Variants in ADRB1 observed in about 807,000 individuals in gnomAD.
ADRB1 encodes the protein beta-1 adrenergic receptor.
For missense variants in ADRB1, 635 were observed against 709.1 expected (o/e 0.90, Z 1.19); for synonymous variants, 365 against 347.2 (o/e 1.05, Z -0.57).
Position 114,045,540 on chromosome 10 carries a change from G to C in ADRB1, c.1408G>C (p.Gly470Arg). 10 of 1,308,864 alleles carry C rather than the reference G, an allele frequency of 7.6e-6. No homozygotes were observed. Among genetic ancestry groups the C allele is most frequent in the Non-Finnish European group, 9.8e-6 (10 of 1,025,428 alleles). 81.1% of individuals were successfully genotyped at this position (1,308,864 alleles called of 1,614,324 possible). A position where few individuals can be genotyped will look rare whatever the true frequency, so the allele number is the denominator to read the frequency against. The change falls in exon 1 of 1, where the codon GGC becomes CGC. Residue 470 changes from glycine to arginine, a missense_variant. Gly to Arg is a moderately radical substitution (Grantham distance 125). Transcript: ENST00000369295. ...GAGCCTGGACGAGCCGTGCCGCCCC[G>C]GCTTCGCCTCGGAATCCAAGGTGTA... ...DSSLDEPCRP[G>R]FASESKV
Position 114,044,194 on chromosome 10 carries a change from C to A in ADRB1, c.62C>A (p.Pro21Gln). ...SEPGNLSSAA[P>Q]LPDGAATAAR... ...CCCGGTAACCTGTCGTCGGCCGCAC[C>A]GCTCCCCGACGGCGCGGCCACCGCG... is the stretch of plus-strand genomic sequence containing the variant. The change falls in exon 1 of 1, where the codon CCG (proline) becomes CAG (glutamine). Residue 21 changes from proline (P) to glutamine (Q), a missense_variant. By Grantham distance (76) the Pro-to-Gln change is moderately conservative (BLOSUM62 -1). Coordinates refer to ENST00000369295, the MANE Select transcript of ADRB1 (RefSeq NM_000684.3). The surrounding 1 kb of genome is among the most constrained non-coding windows in gnomAD (Gnocchi z 7.8). The A allele has an allele frequency of 2.2e-6, 3 of 1,378,328 alleles. No homozygotes were observed. The highest frequency in any genetic ancestry group is 9.3e-7 in the Non-Finnish European group (1 of 1,078,776). The allele number at this position is 1,378,328 out of a possible 1,614,324, so 85.4% of individuals were successfully genotyped here. A position where few individuals can be genotyped will look rare whatever the true frequency, so the allele number is the denominator to read the frequency against.
At position 114,044,476 on chromosome 10, in the gene ADRB1, G is replaced by T; in HGVS notation, c.344G>T (p.Gly115Val). ...LVMGLLVVPFGATIVVWGRWE... is the reference protein window; with the variant it reads ...LVMGLLVVPFVATIVVWGRWE... ...ATGGGGCTGCTGGTGGTGCCGTTCG[G>T]GGCCACCATCGTGGTGTGGGGCCGC... Residue 115 changes from glycine to valine, a missense_variant, in exon 1 of 1, where the codon GGG (glycine) becomes GTG (valine). Transcript: ENST00000369295. The surrounding 1 kb of genome is among the most constrained non-coding windows in gnomAD (Gnocchi z 7.8). 1 of 1,613,508 alleles carries T rather than the reference G, an allele frequency of 6.2e-7. No homozygotes were observed. Among genetic ancestry groups the T allele is most frequent in the Non-Finnish European group, 8.5e-7 (1 of 1,179,970 alleles).
At position 114,044,058 on chromosome 10, in the gene ADRB1, C is replaced by T. The variant is rs1248766883; in HGVS notation, c.-75C>T. Reference sequence around the variant, plus strand: ...CGACCTCCCTCTGCGCACCACGCCGCCCGGGCTTCTGGGGTGTTCCCCAAC... The same window carrying T: ...CGACCTCCCTCTGCGCACCACGCCGTCCGGGCTTCTGGGGTGTTCCCCAAC... On this transcript the variant is annotated 5_prime_UTR_variant, in exon 1 of 1. Coordinates refer to ENST00000369295, the MANE Select transcript of ADRB1 (RefSeq NM_000684.3). The surrounding 1 kb of genome is among the most constrained non-coding windows in gnomAD (Gnocchi z 7.8). 2 of 1,165,450 alleles carry T rather than the reference C, an allele frequency of 1.7e-6. No homozygotes were observed. The highest frequency in any genetic ancestry group is 7.2e-5 in the East Asian group (2 of 27,596). The allele number at this position is 1,165,450 out of a possible 1,614,324, so 72.2% of individuals were successfully genotyped here.
At position 114,043,980 on chromosome 10, in the gene ADRB1, G is replaced by T. The variant is rs1165480643; in HGVS notation, c.-153G>T. 50 of 495,756 alleles carry T rather than the reference G, an allele frequency of 1.0e-4. No homozygotes were observed. Among genetic ancestry groups the T allele is most frequent in the Non-Finnish European group, 1.3e-4 (44 of 345,684 alleles). 30.7% of individuals were successfully genotyped at this position (495,756 alleles called of 1,614,324 possible). A position where few individuals can be genotyped will look rare whatever the true frequency, so the allele number is the denominator to read the frequency against. ...ACAGCGCTCGGCTCCTGCGGGAAAGGCGCCCGGCGCCCATGCCTCCGGCCC... is the reference window on the plus strand; with the variant it reads ...ACAGCGCTCGGCTCCTGCGGGAAAGTCGCCCGGCGCCCATGCCTCCGGCCC... On this transcript the variant is annotated 5_prime_UTR_variant, in exon 1 of 1. Transcript: ENST00000369295.
Position 114,045,416 on chromosome 10 carries a change from G to GGAC in ADRB1, c.1299_1301dup (p.Asp434dup), listed in dbSNP as rs754880345. On this transcript the variant is annotated inframe_insertion, in exon 1 of 1. Coordinates refer to ENST00000369295, the MANE Select transcript of ADRB1 (RefSeq NM_000684.3). The stretch of plus-strand genomic sequence containing the variant: ...CCCCGCCATCGCCCGGGGCCGCCTC[G>GGAC]GACGACGACGACGACGATGTCGTCG... 128 of 1,238,062 alleles carry GGAC rather than the reference G, an allele frequency of 1.0e-4. 1 individual carries two copies. The highest frequency in any genetic ancestry group is 6.6e-4 in the South Asian group (17 of 25,900). The allele number at this position is 1,238,062 out of a possible 1,614,324, so 76.7% of individuals were successfully genotyped here. A position where few individuals can be genotyped will look rare whatever the true frequency, so the allele number is the denominator to read the frequency against.
In ADRB1 at chr10:114,045,593, G is replaced by T. The variant is rs531424891; in HGVS notation, c.*27G>T. 1.6e-6 allele frequency: 2 copies of T among 1,271,588 alleles called. No individual in the cohort carries two copies. The highest frequency in any genetic ancestry group is 1.0e-6 in the Non-Finnish European group (1 of 1,001,254). 78.8% of individuals were successfully genotyped at this position (1,271,588 alleles called of 1,614,324 possible). On this transcript the variant is annotated 3_prime_UTR_variant, in exon 1 of 1. Coordinates refer to ENST00000369295, the MANE Select transcript of ADRB1 (RefSeq NM_000684.3). ...GCCCGGCGCGGGGCGCGGACTCCGG[G>T]CACGGCTTCCCAGGGGAACGAGGAG...
rs1177552375 is a variant in ADRB1 at position 114,045,639 on chromosome 10, G to C, written c.*73G>C. On this transcript the variant is annotated 3_prime_UTR_variant, in exon 1 of 1. Transcript: ENST00000369295. ...AGGAGATCTGTGTTTACTTAAGACC[G>C]ATAGCAGGTGAACTCGAAGCCCACA... is the stretch of plus-strand genomic sequence containing the variant. The C allele has an allele frequency of 1.7e-6, 2 of 1,208,494 alleles. No individual in the cohort carries two copies. The highest frequency in any genetic ancestry group is 1.0e-6 in the Non-Finnish European group (1 of 953,930). The allele number at this position is 1,208,494 out of a possible 1,614,324, so 74.9% of individuals were successfully genotyped here.
In ADRB1 at chr10:114,044,442, G is replaced by T; in HGVS notation, c.310G>T (p.Asp104Tyr). The T allele has an allele frequency of 6.2e-7, 1 of 1,612,956 alleles. No homozygotes were observed. Among genetic ancestry groups the T allele is most frequent in the Non-Finnish European group, 8.5e-7 (1 of 1,179,978 alleles). ...NLFIMSLASA[D>Y]LVMGLLVVPF... Reference sequence around the variant, plus strand: ...CTTCATCATGTCCCTGGCCAGCGCCGACCTGGTCATGGGGCTGCTGGTGGT... The same window carrying T: ...CTTCATCATGTCCCTGGCCAGCGCCTACCTGGTCATGGGGCTGCTGGTGGT... The change falls in exon 1 of 1, where the codon GAC becomes TAC. Residue 104 changes from aspartate (D) to tyrosine (Y), a missense_variant. Physicochemically the swap from Asp to Tyr is radical, Grantham distance 160. Transcript: ENST00000369295. This position sits in a 1 kb window ranked among gnomAD's most constrained non-coding sequence, Gnocchi z 7.8.
Position 114,045,329 on chromosome 10 carries a change from C to T in ADRB1, c.1197C>T (p.Arg399=), listed in dbSNP as rs758107479. The part of the protein sequence containing the change: ...GLLCCARRAA[R]RRHATHGDRP... ...TCTGCTGCGCGCGCAGGGCTGCCCG[C>T]CGGCGCCACGCGACCCACGGAGACC... Residue 399 remains arginine (R), a synonymous_variant, in exon 1 of 1, where the codon CGC becomes CGT. Transcript: ENST00000369295. The T allele has an allele frequency of 6.6e-7, 1 of 1,525,116 alleles. No homozygotes were observed. 94.5% of individuals were successfully genotyped at this position (1,525,116 alleles called of 1,614,324 possible). A position where few individuals can be genotyped will look rare whatever the true frequency, so the allele number is the denominator to read the frequency against.
rs754486228 is a variant in ADRB1, at chr10:114,045,270, A to C, written c.1138A>C (p.Ser380Arg). 3.8e-6 allele frequency: 6 copies of C among 1,591,308 alleles called. No individual in the cohort carries two copies. The East Asian group carries it at 1.4e-4, about 37-fold the overall frequency. The change falls in exon 1 of 1, where the codon AGC becomes CGC. Residue 380 changes from serine to arginine, a missense_variant. By Grantham distance (110) the Ser-to-Arg change is moderately radical. Coordinates refer to ENST00000369295, the MANE Select transcript of ADRB1 (RefSeq NM_000684.3). ...SAFNPIIYCR[S>R]PDFRKAFQGL... is the part of the protein sequence containing the mutation. ...CTTCAACCCCATCATCTACTGCCGC[A>C]GCCCCGACTTCCGCAAGGCCTTCCA...
Position 114,044,297 on chromosome 10 carries a change from G to T in ADRB1, c.165G>T (p.Gln55His). The T allele has an allele frequency of 6.3e-7, 1 of 1,594,046 alleles. No individual in the cohort carries two copies. Among genetic ancestry groups the T allele is most frequent in the Non-Finnish European group, 8.5e-7 (1 of 1,175,624 alleles). ...PASESPEPLS[Q>H]QWTAGMGLLM... ...GCGAAAGCCCCGAGCCGCTGTCTCA[G>T]CAGTGGACAGCGGGCATGGGTCTGC... The change falls in exon 1 of 1, where the codon CAG (glutamine) becomes CAT (histidine). Residue 55 changes from glutamine (Q) to histidine (H), a missense_variant. Transcript: ENST00000369295. The surrounding 1 kb of genome is among the most constrained non-coding windows in gnomAD (Gnocchi z 7.8).
Position 114,045,561 on chromosome 10 carries a change from G to C in ADRB1, c.1429G>C (p.Val477Leu). 1.5e-6 allele frequency: 2 copies of C among 1,292,846 alleles called. No homozygotes were observed. Among genetic ancestry groups the C allele is most frequent in the Non-Finnish European group, 9.9e-7 (1 of 1,013,444 alleles). The allele number at this position is 1,292,846 out of a possible 1,614,324, so 80.1% of individuals were successfully genotyped here. ...CRPGFASESKV is the reference protein window; with the variant it reads ...CRPGFASESKL ...CCCCGGCTTCGCCTCGGAATCCAAG[G>C]TGTAGGGCCCGGCGCGGGGCGCGGA... Residue 477 changes from valine (V) to leucine (L), a missense_variant, in exon 1 of 1, where the codon GTG becomes CTG. Transcript: ENST00000369295.
At position 114,044,047 on chromosome 10, in the gene ADRB1, G is replaced by T; in HGVS notation, c.-86G>T. On this transcript the variant is annotated 5_prime_UTR_variant, in exon 1 of 1. Transcript: ENST00000369295. The surrounding 1 kb of genome is among the most constrained non-coding windows in gnomAD (Gnocchi z 7.8). ...TGACCCGGCCGCGACCTCCCTCTGCGCACCACGCCGCCCGGGCTTCTGGGG... is the reference window on the plus strand; with the variant it reads ...TGACCCGGCCGCGACCTCCCTCTGCTCACCACGCCGCCCGGGCTTCTGGGG... 1 of 1,111,364 alleles carries T rather than the reference G, an allele frequency of 9.0e-7. No individual in the cohort carries two copies. Among genetic ancestry groups the T allele is most frequent in the Non-Finnish European group, 1.1e-6 (1 of 890,692 alleles). 68.8% of individuals were successfully genotyped at this position (1,111,364 alleles called of 1,614,324 possible).
Position 114,044,246 on chromosome 10 carries a change from GC to G in ADRB1, c.117del (p.Ala40ProfsTer25). Reference protein sequence around the residue: ...AARLLVPASPPASLLPPASES... With the variant: ...AARLLVPASPXASLLPPASES... ...CGCGGCTGCTGGTGCCCGCGTCGCC[GC>G]CCGCCTCGTTGCTGCCTCCCGCCAG... On this transcript the variant is annotated frameshift_variant, in exon 1 of 1. Transcript: ENST00000369295. LOFTEE classifies it low-confidence loss of function (END_TRUNC). The surrounding 1 kb of genome is among the most constrained non-coding windows in gnomAD (Gnocchi z 7.8). 1.4e-6 allele frequency: 2 copies of G among 1,469,944 alleles called. No individual in the cohort carries two copies. Among genetic ancestry groups the G allele is most frequent in the South Asian group, 2.7e-5 (2 of 75,378 alleles). 91.1% of individuals were successfully genotyped at this position (1,469,944 alleles called of 1,614,324 possible).
In ADRB1 at chr10:114,045,560, G is replaced by T; in HGVS notation, c.1428G>T (p.Lys476Asn). ...GCCCCGGCTTCGCCTCGGAATCCAA[G>T]GTGTAGGGCCCGGCGCGGGGCGCGG... ...PCRPGFASES[K>N]V The change falls in exon 1 of 1, where the codon AAG becomes AAT. Residue 476 changes from lysine (K) to asparagine (N), a missense_variant. Physicochemically the swap from Lys to Asn is moderately conservative, Grantham distance 94 (BLOSUM62 0). Transcript: ENST00000369295. The T allele has an allele frequency of 7.7e-7, 1 of 1,300,644 alleles. No individual in the cohort carries two copies. The highest frequency in any genetic ancestry group is 2.6e-5 in the South Asian group (1 of 38,416). The allele number at this position is 1,300,644 out of a possible 1,614,324, so 80.6% of individuals were successfully genotyped here.
chr10:114,044,070 G>A lies in ADRB1; in HGVS notation c.-63G>A, dbSNP rs1036995848. On this transcript the variant is annotated 5_prime_UTR_variant, in exon 1 of 1. An upstream open reading frame in the 5' UTR gains an earlier in-frame stop. Coordinates refer to ENST00000369295, the MANE Select transcript of ADRB1 (RefSeq NM_000684.3). The surrounding 1 kb of genome is among the most constrained non-coding windows in gnomAD (Gnocchi z 7.8). ...GCGCACCACGCCGCCCGGGCTTCTGGGGTGTTCCCCAACCACGGCCCAGCC... is the reference window on the plus strand; with the variant it reads ...GCGCACCACGCCGCCCGGGCTTCTGAGGTGTTCCCCAACCACGGCCCAGCC... The A allele has an allele frequency of 2.5e-6, 3 of 1,203,766 alleles. No homozygotes were observed. The highest frequency in any genetic ancestry group is 3.1e-6 in the Non-Finnish European group (3 of 968,410). 74.6% of individuals were successfully genotyped at this position (1,203,766 alleles called of 1,614,324 possible).
chr10:114,045,286 A>G lies in ADRB1; in HGVS notation c.1154A>G (p.Lys385Arg). The change falls in exon 1 of 1, where the codon AAG becomes AGG. Residue 385 changes from lysine to arginine, a missense_variant. By Grantham distance (26) the Lys-to-Arg change is conservative. Transcript: ENST00000369295. ...IIYCRSPDFR[K>R]AFQGLLCCAR... ...TACTGCCGCAGCCCCGACTTCCGCAAGGCCTTCCAGGGACTGCTCTGCTGC... is the reference window on the plus strand; with the variant it reads ...TACTGCCGCAGCCCCGACTTCCGCAGGGCCTTCCAGGGACTGCTCTGCTGC... 1 of 1,588,740 alleles carries G rather than the reference A, an allele frequency of 6.3e-7. No individual in the cohort carries two copies.
chr10:114,045,021 G>C lies in ADRB1; in HGVS notation c.889G>C (p.Ala297Pro). ...ACCCCCGCGCCCCGCCGCCGCCGCC[G>C]CCACCGCCCCGCTGGCCAACGGGCG... ...PGPPRPAAAA[A>P]TAPLANGRAG... Residue 297 changes from alanine (A) to proline (P), a missense_variant, in exon 1 of 1, where the codon GCC becomes CCC. Physicochemically the swap from Ala to Pro is conservative, Grantham distance 27. Coordinates refer to ENST00000369295, the MANE Select transcript of ADRB1 (RefSeq NM_000684.3). 1 of 1,134,800 alleles carries C rather than the reference G, an allele frequency of 8.8e-7. No homozygotes were observed. The highest frequency in any genetic ancestry group is 1.1e-6 in the Non-Finnish European group (1 of 925,524). The allele number at this position is 1,134,800 out of a possible 1,614,324, so 70.3% of individuals were successfully genotyped here.
At position 114,045,419 on chromosome 10, in the gene ADRB1, C is replaced by A. The variant is rs1446925063; in HGVS notation, c.1287C>A (p.Asp429Glu). Residue 429 changes from aspartate (D) to glutamate (E), a missense_variant, in exon 1 of 1, where the codon GAC (aspartate) becomes GAA (glutamate). By Grantham distance (45) the Asp-to-Glu change is conservative. Transcript: ENST00000369295. ...CGCCATCGCCCGGGGCCGCCTCGGA[C>A]GACGACGACGACGATGTCGTCGGGG... ...GPPPSPGAASDDDDDDVVGAT... is the reference protein window; with the variant it reads ...GPPPSPGAASEDDDDDVVGAT... 2.9e-5 allele frequency: 35 copies of A among 1,227,978 alleles called. No homozygotes were observed. The highest frequency in any genetic ancestry group is 2.7e-4 in the Middle Eastern group (1 of 3,694). The allele number at this position is 1,227,978 out of a possible 1,614,324, so 76.1% of individuals were successfully genotyped here.
Sources: gnomAD v4.1 joint callset for allele counts on GRCh38, gnomAD v4.1.1 for gene constraint, Gnocchi (gnomAD v3.1) non-coding constraint, MANE v1.5 for transcripts, NCBI Gene and HGNC (gene_info 2026-07-23, HGNC 2026-07-21) for gene names.